The following CELA3B variants were observed in gnomAD, a reference collection of about 807,000 sequenced individuals.
CELA3B encodes the protein chymotrypsin-like elastase family member 3B.
CELA3B carries 34 observed loss-of-function variants against 37.2 expected under a neutral mutation model. The ratio of observed to expected loss-of-function variants is 0.91; its 90% CI spans 0.70 to 1.22. CELA3B has a LOEUF of 1.22. Among genes scored for constraint, CELA3B ranks in the 50% most tolerant of loss-of-function variants. CELA3B has a pLI of 0.00. For missense variants in CELA3B, 340 were observed against 363.1 expected, an observed-to-expected ratio of 0.94 and a Z score of 0.52; for synonymous variants, 127 against 143.5, an observed-to-expected ratio of 0.89 and a Z score of 0.82.
downstream of CELA3B, among the ~76,000 whole-genome samples, chr1:21,989,598 C>A (rs878907782): frequency 0.019 from 2,339 of 121,444 alleles, 20 homozygotes; most frequent in East Asian, 0.033. Context: ...AAAAATGGGA[C>A]AAGTTGGTCG....
chr1:21,983,793 G>C lies in CELA3B; in HGVS notation c.462G>C (p.Glu154Asp), dbSNP rs746166505. The change falls in exon 5 of 8, where the codon GAG becomes GAC. Residue 154 changes from glutamate (E) to aspartate (D), a missense_variant. Transcript: ENST00000337107. The part of the protein sequence containing the change: ...LPPAGDILPN[E>D]TPCYITGWGR... Reference sequence around the variant, plus strand: ...CGGCTGGTGACATCCTTCCCAACGAGACACCCTGCTACATCACCGGCTGGG... The same window carrying C: ...CGGCTGGTGACATCCTTCCCAACGACACACCCTGCTACATCACCGGCTGGG... The C allele has an allele frequency of 1.2e-6, 2 of 1,614,140 alleles. No individual in the cohort carries two copies. The highest frequency in any genetic ancestry group is 2.2e-5 in the East Asian group (1 of 44,876).
At chr1:21,992,334 A>C (rs1644872105), downstream of CELA3B, among the ~76,000 whole-genome samples, 1 of 151,556 alleles carries the variant, frequency 6.6e-6, no homozygotes, top group South Asian at 2.1e-4. Context: ...TCAAGGCTGC[A>C]GTGCACTATG....
At chr1:21,980,462 A>G (rs4412569) in intron 2 of CELA3B, among the ~76,000 whole-genome samples, 136,756 of 151,506 alleles carry the variant, frequency 0.9, 62,489 homozygotes, top group Non-Finnish European at 0.97. Context: ...CCTGGGGAAC[A>G]AGAGCAAAAC....
At position 21,989,354 on chromosome 1, in the gene CELA3B, A is replaced by C. The variant is rs1373301714; in HGVS notation, c.*75A>C. On this transcript the variant is annotated 3_prime_UTR_variant, in exon 8 of 8. Coordinates refer to ENST00000337107, the MANE Select transcript of CELA3B (RefSeq NM_007352.4). Reference sequence around the variant, plus strand: ...AATAAAGATCTCTCAGAAAATTCCAAGTTGAATCTTTCTTTCTTTGTTGAC... The same window carrying C: ...AATAAAGATCTCTCAGAAAATTCCACGTTGAATCTTTCTTTCTTTGTTGAC... 8.3e-6 allele frequency: 10 copies of C among 1,198,636 alleles called. No individual in the cohort carries two copies. Among genetic ancestry groups the C allele is most frequent in the Non-Finnish European group, 1.2e-5 (10 of 831,556 alleles). 74.3% of individuals were successfully genotyped at this position (1,198,636 alleles called of 1,614,324 possible).
downstream of CELA3B, among the ~76,000 whole-genome samples, chr1:21,993,333 G>A (rs1167776884): frequency 1.9e-3 from 279 of 150,128 alleles, 2 homozygotes; most frequent in African/African-American, 4.0e-3. Flanking sequence ...ATGGTGGCGC[G>A]TGCCTGTAAT....
chr1:21,994,157 G>A (rs1263253549), downstream of CELA3B, among the ~76,000 whole-genome samples: 1 of 151,184 alleles, frequency 6.6e-6, no homozygotes, highest in African/African-American at 2.5e-5. Context: ...ATTCCTTGCT[G>A]TATCGTGGCT....
chr1:21,978,730 G>A (rs529845274), intron 2 of CELA3B, among the ~76,000 whole-genome samples: 1 of 152,258 alleles, frequency 6.6e-6, no homozygotes, highest in East Asian at 1.9e-4. Context: ...TTCAGGCACT[G>A]TGTTGAAGAA....
chr1:21,998,049 G>A, intron 4 of CELA3B: 1 of 426,358 alleles, frequency 2.3e-6, no homozygotes, highest in South Asian at 1.7e-5. Flanking sequence ...CAAAAGTTAT[G>A]CCTTCCTGTT....
chr1:21,995,790 G>A (rs1000950544), intron 4 of CELA3B, among the ~76,000 whole-genome samples: 2 of 145,940 alleles, frequency 1.4e-5, no homozygotes, highest in African/African-American at 5.3e-5. Context: ...CTGGAAGAAG[G>A]AAATCAGGGT....
intron 6 of CELA3B, among the ~76,000 whole-genome samples, chr1:21,985,936 T>G (rs1397017457): frequency 1.6e-5 from 2 of 125,774 alleles, no homozygotes; most frequent in African/African-American, 6.0e-5. Flanking sequence ...TATAATTGAG[T>G]ATGAATTAAT....
At chr1:21,998,633 T>G (rs2152818621) in exon 5 of CELA3B, 1 of 154,724 alleles carries the variant, frequency 6.5e-6, no homozygotes, top group African/African-American at 2.4e-5. Context: ...TAAATGCTGT[T>G]GAAAACCTAC....
chr1:21,983,887 G>T, intron 5 of CELA3B, 57 bp downstream of exon 5: 2 of 1,581,350 alleles, frequency 1.3e-6, no homozygotes, highest in Admixed American at 3.6e-5. Context: ...ACAGGGCCTG[G>T]GGGCTGCAGG....
intron 2 of CELA3B, among the ~76,000 whole-genome samples, chr1:21,979,379 A>G (rs961757905): frequency 2.0e-5 from 3 of 151,020 alleles, no homozygotes; most frequent in African/African-American, 7.3e-5. Context: ...GCTGAAATTT[A>G]CTTACATTAA....
intron 2 of CELA3B, 125 bp downstream of exon 2, chr1:21,978,579 G>A: frequency 8.5e-7 from 1 of 1,182,710 alleles, no homozygotes; most frequent in Non-Finnish European, 1.2e-6. Context: ...CCAAAGACCA[G>A]GCAGCCCTTG....
At chr1:21,994,479 G>C (rs1644881138) in intron 4 of CELA3B, among the ~76,000 whole-genome samples, 1 of 150,868 alleles carries the variant, frequency 6.6e-6, no homozygotes, top group East Asian at 2.0e-4. Context: ...CCCTCACCGA[G>C]ACAGCCAATT....
At chr1:21,981,464 T>C (rs1387934796) in intron 4 of CELA3B, among the ~76,000 whole-genome samples, 4 of 151,758 alleles carry the variant, frequency 2.6e-5, no homozygotes, top group African/African-American at 9.7e-5. Flanking sequence ...TCCTCTGGCA[T>C]CCTTCCCCCA....
Position 21,995,000 on chromosome 1 carries a change from C to CA in CELA3B, c.505-3126dup, listed in dbSNP as rs61509449. ...CTGGGCGACAGAGTGAGACTTGTCT[C>CA]AAAAAAAAAAAAAAAAAAAAAAAAA... On this transcript the variant is annotated intron_variant, in intron 4 of 4. Transcript: ENST00000400277. 7.3e-3 allele frequency among the ~76,000 whole-genome samples: 396 copies of CA among 53,922 alleles called. 6 individuals are homozygous for CA. Among genetic ancestry groups the CA allele is most frequent in the East Asian group, 0.011 (18 of 1,676 alleles). 35.4% of individuals were successfully genotyped at this position (53,922 alleles called of 152,430 possible). A position where few individuals can be genotyped will look rare whatever the true frequency, so the allele number is the denominator to read the frequency against.
At chr1:21,992,968 CAAA>C (rs569090847), downstream of CELA3B, among the ~76,000 whole-genome samples, 5 of 107,452 alleles carry the variant, frequency 4.7e-5, no homozygotes, top group Non-Finnish European at 2.1e-5. Context: ...ACCTTGTCTC[CAAA>C]AAAAAAAAAA....
At chr1:21,993,263 C>T (rs1275035135), downstream of CELA3B, among the ~76,000 whole-genome samples, 1 of 151,138 alleles carries the variant, frequency 6.6e-6, no homozygotes, top group Non-Finnish European at 1.5e-5. Flanking sequence ...GAGTTCGAGA[C>T]CAGACTGGCC....
Sources: gnomAD v4.1 joint callset for allele counts (sites outside exome capture counted in the v4.1 genomes callset) on GRCh38, gnomAD v4.1.1 for gene constraint, MANE v1.5 for transcripts, NCBI Gene and HGNC (gene_info 2026-07-23, HGNC 2026-07-21) for gene names.